Variants in CTDSP2 observed in about 807,000 individuals in gnomAD.
CTDSP2 encodes CTD small phosphatase 2.
In CTDSP2, 9 loss-of-function variants were observed where a neutral mutation model predicts 31.6. The ratio of observed to expected loss-of-function variants is 0.28; its 90% CI spans 0.17 to 0.50. The LOEUF (loss-of-function observed/expected upper bound fraction) is 0.50, where lower values mean the gene tolerates loss of function less well. CTDSP2 is among the 20% of genes least tolerant of loss of function. CTDSP2 has a pLI of 0.98. For synonymous variants in CTDSP2, 134 were observed against 134.5 expected, an observed-to-expected ratio of 1.00 and a Z score of 0.03; for missense variants, 267 against 348.5, an observed-to-expected ratio of 0.77 and a Z score of 1.86.
intron 1 of CTDSP2, among the ~76,000 whole-genome samples, chr12:57,834,691 T>G (rs1449743675): frequency 6.6e-6 from 1 of 152,168 alleles, no homozygotes; most frequent in Non-Finnish European, 1.5e-5. Context: ...CAGCATTGTG[T>G]CCTTGACAGC....
chr12:57,843,148 C>T (rs980620359), intron 1 of CTDSP2, among the ~76,000 whole-genome samples: 4 of 152,074 alleles, frequency 2.6e-5, no homozygotes, highest in African/African-American at 4.8e-5. Flanking sequence ...CACTGAGCTC[C>T]GGAAGAGGCT....
chr12:57,829,853 C>T lies in CTDSP2; in HGVS notation c.65-257G>A, dbSNP rs756835729. 2.0e-5 allele frequency among the ~76,000 whole-genome samples: 3 copies of T among 152,152 alleles called. 1 individual carries two copies. The highest frequency in any genetic ancestry group is 2.9e-5 in the Non-Finnish European group (2 of 68,034). ...ACAGAGCATTTGTTTTTCATTCCAT[C>T]GGGGAAGATGGGGCCAGGCATAGAA... On this transcript the variant is annotated intron_variant, in intron 1 of 7. Coordinates refer to ENST00000398073, the MANE Select transcript of CTDSP2 (RefSeq NM_005730.4).
chr12:57,825,005 CT>C (rs1293912542), intron 5 of CTDSP2, among the ~76,000 whole-genome samples: 3 of 150,870 alleles, frequency 2.0e-5, no homozygotes, highest in Non-Finnish European at 4.5e-5. Context: ...CAAAAAGGTC[CT>C]TTTTCTTTTC....
intron 1 of CTDSP2, among the ~76,000 whole-genome samples, chr12:57,838,428 C>G (rs888268766): frequency 5.1e-4 from 78 of 152,332 alleles, no homozygotes; most frequent in African/African-American, 1.8e-3. Context: ...GTTACCCCTC[C>G]TTCCCCCTAA....
rs1956319212 is a variant in CTDSP2, at chr12:57,846,599, AGGCGGCCTGTACAAAGGGCG to A, written c.-184_-165del. Reference sequence around the variant, plus strand: ...CGTTTCCTCCCCGGACCGGGAAGGGAGGCGGCCTGTACAAAGGGCGGGCGGCCCGGGCAGCGGCTCCCCCG... The same window carrying A: ...CGTTTCCTCCCCGGACCGGGAAGGGAGGCGGCCCGGGCAGCGGCTCCCCCG... On this transcript the variant is annotated 5_prime_UTR_variant, in exon 1 of 8. Coordinates refer to ENST00000398073, the MANE Select transcript of CTDSP2 (RefSeq NM_005730.4). 3.4e-6 allele frequency: 2 copies of A among 591,274 alleles called. No individual in the cohort carries two copies. The highest frequency in any genetic ancestry group is 5.4e-6 in the Non-Finnish European group (2 of 369,624). The allele number at this position is 591,274 out of a possible 1,614,324, so 36.6% of individuals were successfully genotyped here.
In CTDSP2 at chr12:57,836,642, T is replaced by TA. The variant is rs570328413; in HGVS notation, c.65-7047dup. Among the ~76,000 whole-genome samples the TA allele has an allele frequency of 1.1e-3, 161 of 146,540 alleles. 4 individuals carry two copies. The South Asian group carries it at 0.024, about 22-fold the overall frequency. On this transcript the variant is annotated intron_variant, in intron 1 of 7. Coordinates refer to ENST00000398073, the MANE Select transcript of CTDSP2 (RefSeq NM_005730.4). ...GGGTGACAGAGTGAGATTTTGTCTT[T>TA]AAAAAAAAAAAGTGTACATGTACAA...
At position 57,846,555 on chromosome 12, in the gene CTDSP2, C is replaced by G; in HGVS notation, c.-120G>C. 1.3e-6 allele frequency: 1 copy of G among 751,666 alleles called. No individual in the cohort carries two copies. The highest frequency in any genetic ancestry group is 2.0e-6 in the Non-Finnish European group (1 of 500,670). The allele number at this position is 751,666 out of a possible 1,614,324, so 46.6% of individuals were successfully genotyped here. On this transcript the variant is annotated 5_prime_UTR_variant, in exon 1 of 8. Transcript: ENST00000398073. ...GCTCCCGAGACTCCGACTTCCACAG[C>G]TGTTCACATCCCCCCTCTCGTTTCC... is the stretch of plus-strand genomic sequence containing the variant.
intron 1 of CTDSP2, among the ~76,000 whole-genome samples, chr12:57,833,599 C>T (rs1956229733): frequency 1.3e-5 from 2 of 152,260 alleles, no homozygotes; most frequent in South Asian, 2.1e-4. Context: ...ATGGCCCCAA[C>T]CCAGTGCATT....
Position 57,824,972 on chromosome 12 carries a change from A to G in CTDSP2, c.412-653T>C, listed in dbSNP as rs149803519. 3.9e-5 allele frequency among the ~76,000 whole-genome samples: 6 copies of G among 152,098 alleles called. No individual in the cohort carries two copies. The East Asian group carries it at 1.2e-3, about 29-fold the overall frequency. On this transcript the variant is annotated intron_variant, in intron 5 of 7. Transcript: ENST00000398073. Reference sequence around the variant, plus strand: ...TATTGCTTCCATGACTCTAGCCTACACAGCTGCTACTAGAACCATTTCCAA... The same window carrying G: ...TATTGCTTCCATGACTCTAGCCTACGCAGCTGCTACTAGAACCATTTCCAA...
intron 7 of CTDSP2, 40 bp from the exon 8 acceptor site, chr12:57,823,767 G>T: frequency 6.2e-7 from 1 of 1,612,670 alleles, no homozygotes. Flanking sequence ...CCCGACTGCT[G>T]CTTCCCCCTC....
chr12:57,827,482 C>T, intron 3 of CTDSP2, 70 bp downstream of exon 3: 2 of 1,553,252 alleles, frequency 1.3e-6, no homozygotes, highest in Non-Finnish European at 1.8e-6. Context: ...TGCACATCAC[C>T]CTGCCCGTGG....
intron 1 of CTDSP2, chr12:57,845,358 CCCACTGTGA>C (rs1203640952): frequency 2.6e-5 from 4 of 152,230 alleles, no homozygotes; most frequent in African/African-American, 9.7e-5. Flanking sequence ...TTTCGAGTCT[CCCACTGTGA>C]CCAAACTAAG....
At position 57,824,040 on chromosome 12, in the gene CTDSP2, G is replaced by T; in HGVS notation, c.554C>A (p.Ala185Asp). Residue 185 changes from alanine (A) to aspartate (D), a missense_variant, in exon 7 of 8, where the codon GCC (alanine) becomes GAC (aspartate). Around this residue, in one of 2 missense-constraint regions of CTDSP2, gnomAD observed 156 missense variants for 241.3 expected, o/e 0.65. Transcript: ENST00000398073. ...CACGCAAGACTCACGGAATAGGCGG[G>T]CCCGGAACACCCCACACCGGTCCAG... ...DLLDRCGVFR[A>D]RLFRESCVFH... The T allele has an allele frequency of 6.2e-7, 1 of 1,614,074 alleles. No individual in the cohort carries two copies. The highest frequency in any genetic ancestry group is 1.3e-5 in the African/African-American group (1 of 75,012).
At chr12:57,823,838 G>A in intron 7 of CTDSP2, 66 bp downstream of exon 7, 1 of 1,608,042 alleles carries the variant, frequency 6.2e-7, no homozygotes. Context: ...TTCTCTGGTG[G>A]AGCCCACAGT....
intron 1 of CTDSP2, among the ~76,000 whole-genome samples, chr12:57,831,669 C>T (rs1344012462): frequency 1.3e-5 from 2 of 152,160 alleles, no homozygotes; most frequent in African/African-American, 4.8e-5. Flanking sequence ...TAAACCCAAG[C>T]CATTCCAGTT....
At chr12:57,839,829 A>G (rs1355781015) in intron 1 of CTDSP2, among the ~76,000 whole-genome samples, 1 of 152,078 alleles carries the variant, frequency 6.6e-6, no homozygotes, top group East Asian at 1.9e-4. Context: ...CCTTATCTGT[A>G]AAGTGAGGTT....
Position 57,834,422 on chromosome 12 carries a change from A to G in CTDSP2, c.65-4826T>C, listed in dbSNP as rs936742347. Among the ~76,000 whole-genome samples, 9 of 152,172 alleles carry G rather than the reference A, an allele frequency of 5.9e-5. No individual in the cohort carries two copies. The East Asian group carries it at 1.5e-3, about 26-fold the overall frequency. ...TCTTGGGCAGGATGTCAAAGTTGGA[A>G]GGGGTAAAACAGCACAAGGCTCTGG... On this transcript the variant is annotated intron_variant, in intron 1 of 7. Transcript: ENST00000398073.
At chr12:57,840,700 G>C (rs1956277240) in intron 1 of CTDSP2, among the ~76,000 whole-genome samples, 1 of 151,318 alleles carries the variant, frequency 6.6e-6, no homozygotes, top group Non-Finnish European at 1.5e-5. Context: ...AAAAAGCTGT[G>C]GCAAGAAATA....
In CTDSP2 at chr12:57,827,475, A is replaced by G. The variant is rs992313202; in HGVS notation, c.252+77T>C. 56 of 1,513,362 alleles carry G rather than the reference A, an allele frequency of 3.7e-5. No individual in the cohort carries two copies. The Admixed American group carries it at 9.4e-4, about 25-fold the overall frequency. The allele number at this position is 1,513,362 out of a possible 1,614,324, so 93.7% of individuals were successfully genotyped here. A position where few individuals can be genotyped will look rare whatever the true frequency, so the allele number is the denominator to read the frequency against. ...GCTGGCTAGGCACCAAGGACTATGC[A>G]CATCACCCTGCCCGTGGAGCTGGCA... On this transcript the variant is annotated intron_variant, in intron 3 of 7. Transcript: ENST00000398073.
Sources: allele counts gnomAD v4.1 joint callset (sites outside exome capture counted in the v4.1 genomes callset), GRCh38; gene constraint gnomAD v4.1.1; regional missense constraint gnomAD v4.1.1; transcripts MANE v1.5; gene names NCBI Gene and HGNC (gene_info 2026-07-23, HGNC 2026-07-21).